The following LRMDA variants were observed in gnomAD, a reference collection of about 807,000 sequenced individuals.
LRMDA encodes leucine-rich melanocyte differentiation-associated protein.
Under a neutral mutation model 29.8 loss-of-function variants are expected in LRMDA, and 18 were observed. That is an observed-to-expected ratio of 0.60 (90% confidence interval 0.42 to 0.90). The LOEUF is 0.90. Ranked by LOEUF, LRMDA falls within the 40% of genes least tolerant of loss-of-function variation. The pLI is 0.00. For synonymous variants in LRMDA, 125 were observed against 109.4 expected (o/e 1.14, Z -0.89); for missense variants, 273 against 273.9 (o/e 1.00, Z 0.02).
chr10:76,254,881 T>C (rs1852564071), intron 5 of LRMDA, among the ~76,000 whole-genome samples: 1 of 152,156 alleles, frequency 6.6e-6, no homozygotes, highest in African/African-American at 2.4e-5. Flanking sequence ...TCATGTCAAC[T>C]CCATGTTGAA....
At chr10:76,432,213 G>A (rs566954387) in intron 6 of LRMDA, among the ~76,000 whole-genome samples, 7 of 152,228 alleles carry the variant, frequency 4.6e-5, no homozygotes, top group African/African-American at 1.4e-4. Context: ...CTGAAATGTC[G>A]TGGGTGTGGG....
intron 6 of LRMDA, among the ~76,000 whole-genome samples, chr10:76,507,884 T>G (rs1299143469): frequency 6.6e-6 from 1 of 152,180 alleles, no homozygotes; most frequent in African/African-American, 2.4e-5. Flanking sequence ...ACCATGTAAC[T>G]CTGGTTACTA....
In LRMDA at chr10:75,792,305, C is replaced by T. The variant is rs557159106; in HGVS notation, c.132-243703C>T. 7.9e-5 allele frequency among the ~76,000 whole-genome samples: 12 copies of T among 152,166 alleles called. No individual in the cohort carries two copies. The East Asian group carries it at 1.9e-3, about 25-fold the overall frequency. ...TTTGAGATGGAGTCTCACTCTGTCA[C>T]CCAGGCTGGAGTGCAGTGGTGCAAT... On this transcript the variant is annotated intron_variant, in intron 2 of 6. Coordinates refer to ENST00000611255, the MANE Select transcript of LRMDA (RefSeq NM_001305581.2).
At position 76,559,234 on chromosome 10, in the gene LRMDA, C is replaced by G. The variant is rs986160087; in HGVS notation, c.*1946C>G. ...CTTGTGAACTGACCACAGAATTTTT[C>G]CATCTTTATTTTTCTTACTTGTTTA... On this transcript the variant is annotated 3_prime_UTR_variant, in exon 7 of 7. Coordinates refer to ENST00000611255, the MANE Select transcript of LRMDA (RefSeq NM_001305581.2). 1 of 152,086 alleles carries G rather than the reference C, an allele frequency of 6.6e-6. No individual in the cohort carries two copies. The highest frequency in any genetic ancestry group is 2.4e-5 in the African/African-American group (1 of 41,412). 9.4% of individuals were successfully genotyped at this position (152,086 alleles called of 1,614,324 possible).
At chr10:75,951,351 G>T (rs1448947540) in intron 2 of LRMDA, among the ~76,000 whole-genome samples, 3 of 152,220 alleles carry the variant, frequency 2.0e-5, no homozygotes, top group Admixed American at 2.0e-4. Flanking sequence ...CTGAGCCACT[G>T]CAGTCAGAGC....
chr10:76,400,506 T>C (rs1312684573), intron 6 of LRMDA, among the ~76,000 whole-genome samples: 1 of 152,232 alleles, frequency 6.6e-6, no homozygotes, highest in Non-Finnish European at 1.5e-5. Context: ...ATATCAGTCT[T>C]TTGCTCAGAA....
chr10:75,623,239 A>G (rs1841209970), intron 2 of LRMDA, among the ~76,000 whole-genome samples: 1 of 152,184 alleles, frequency 6.6e-6, no homozygotes, highest in Admixed American at 6.5e-5. Flanking sequence ...GATCTATCTG[A>G]TTCCAATTTA....
At chr10:76,515,434 G>T (rs974523362) in intron 6 of LRMDA, among the ~76,000 whole-genome samples, 2 of 152,134 alleles carry the variant, frequency 1.3e-5, no homozygotes, top group Non-Finnish European at 2.9e-5. Context: ...ACTAACTTAA[G>T]TATTTAAGCC....
chr10:76,191,432 C>A (rs1368982557), intron 5 of LRMDA, among the ~76,000 whole-genome samples: 1 of 152,178 alleles, frequency 6.6e-6, no homozygotes, highest in Non-Finnish European at 1.5e-5. Context: ...AATCCTTTGT[C>A]ACTTCATTCC....
At chr10:76,087,671 G>A (rs562398752) in intron 5 of LRMDA, among the ~76,000 whole-genome samples, 17 of 152,136 alleles carry the variant, frequency 1.1e-4, no homozygotes, top group Non-Finnish European at 2.1e-4. Flanking sequence ...ATGTGGAAGA[G>A]GGATCCGTGT....
chr10:76,317,804 C>A (rs1425807307), intron 5 of LRMDA, among the ~76,000 whole-genome samples: 1 of 152,162 alleles, frequency 6.6e-6, no homozygotes, highest in East Asian at 1.9e-4. Context: ...AGACTCCTGA[C>A]CTCAGGTGAT....
At chr10:75,912,198 C>T (rs980160884) in intron 2 of LRMDA, among the ~76,000 whole-genome samples, 10 of 152,118 alleles carry the variant, frequency 6.6e-5, no homozygotes, top group Non-Finnish European at 1.2e-4. Context: ...CTCATGTCCC[C>T]ACTCTCCCAC....
At chr10:75,629,464 C>T (rs755154644) in intron 2 of LRMDA, among the ~76,000 whole-genome samples, 17 of 152,202 alleles carry the variant, frequency 1.1e-4, no homozygotes, top group Admixed American at 5.2e-4. Context: ...CTGCCAGAAT[C>T]GCTGTGTGCA....
intron 2 of LRMDA, among the ~76,000 whole-genome samples, chr10:75,925,744 C>T (rs1461806296): frequency 6.8e-6 from 1 of 147,690 alleles, no homozygotes; most frequent in East Asian, 2.0e-4. Flanking sequence ...CCTCTGCCTC[C>T]TGGGTTCAGG....
At chr10:75,930,272 A>G (rs545196262) in intron 2 of LRMDA, among the ~76,000 whole-genome samples, 1 of 152,270 alleles carries the variant, frequency 6.6e-6, no homozygotes, top group East Asian at 1.9e-4. Context: ...TAAAATGAGA[A>G]TGGAGGAAGG....
chr10:75,482,201 A>G (rs900955006), intron 2 of LRMDA, among the ~76,000 whole-genome samples: 3 of 152,158 alleles, frequency 2.0e-5, no homozygotes, highest in African/African-American at 7.2e-5. Context: ...AGGGAAGAGC[A>G]TACCAGTTCT....
chr10:76,316,609 C>G (rs17377490), intron 5 of LRMDA, among the ~76,000 whole-genome samples: 38,739 of 152,136 alleles, frequency 0.25, 5,979 homozygotes, highest in Non-Finnish European at 0.36. Flanking sequence ...GATCCTGTGA[C>G]ACTTGCATTA....
intron 2 of LRMDA, among the ~76,000 whole-genome samples, chr10:75,977,662 GAGGCTAAAGTCACTTTAGCCTT>G (rs1374101501): frequency 6.6e-6 from 1 of 152,206 alleles, no homozygotes; most frequent in Non-Finnish European, 1.5e-5. Flanking sequence ...GATCTCTAGA[GAGGCTAAAGTCACTTTAGCCTT>G]TGGGGAGCTG....
chr10:76,240,789 GATAGATAGATAGAT>G (rs1852259294), intron 5 of LRMDA, among the ~76,000 whole-genome samples: 1 of 131,332 alleles, frequency 7.6e-6, no homozygotes, highest in African/African-American at 2.8e-5. Flanking sequence ...TAGATAGATA[GATAGATAGATAGAT>G]ACACATATAT....
Sources: gnomAD v4.1 joint callset for allele counts (sites outside exome capture counted in the v4.1 genomes callset) on GRCh38, gnomAD v4.1.1 for gene constraint, MANE v1.5 for transcripts, NCBI Gene and HGNC (gene_info 2026-07-23, HGNC 2026-07-21) for gene names.